The following SLC71A1 variants were observed in gnomAD, a reference collection of about 807,000 sequenced individuals.
SLC71A1 encodes the protein hippocampus abundant gene transcript 1.
the SLC71A1 span, among the ~76,000 whole-genome samples, chr1:100,072,701 CA>C: frequency 6.6e-6 from 1 of 152,064 alleles, no homozygotes; most frequent in African/African-American, 2.4e-5. Flanking sequence ...GGGTGTGGGC[CA>C]ACCTTCCAGC....
chr1:100,071,965 G>A, the SLC71A1 span, among the ~76,000 whole-genome samples: 1 of 152,202 alleles, frequency 6.6e-6, no homozygotes, highest in South Asian at 2.1e-4. Context: ...GACCGCAAAG[G>A]TGCAAGCAAC....
At chr1:100,041,705 C>T in the SLC71A1 span, among the ~76,000 whole-genome samples, 1 of 152,186 alleles carries the variant, frequency 6.6e-6, no homozygotes, top group Admixed American at 6.5e-5. Context: ...GGGCAGATCA[C>T]TTGAGGCCAG....
chr1:100,048,930 C>G, the SLC71A1 span, among the ~76,000 whole-genome samples: 1 of 152,232 alleles, frequency 6.6e-6, no homozygotes, highest in Non-Finnish European at 1.5e-5. Flanking sequence ...GCTAGACAAC[C>G]AAGCTAAACA....
chr1:100,082,942 T>A, the SLC71A1 span: 1 of 152,568 alleles, frequency 6.6e-6, no homozygotes, highest in Non-Finnish European at 1.5e-5. Context: ...TGCATAATCA[T>A]AAGCACCTCA....
At chr1:100,047,916 GAT>G in the SLC71A1 span, among the ~76,000 whole-genome samples, 1 of 152,114 alleles carries the variant, frequency 6.6e-6, no homozygotes, top group Non-Finnish European at 1.5e-5. Context: ...TATTAGAAAA[GAT>G]ATGGAAAATT....
At chr1:100,040,827 A>G in the SLC71A1 span, among the ~76,000 whole-genome samples, 1 of 152,142 alleles carries the variant, frequency 6.6e-6, no homozygotes, top group Non-Finnish European at 1.5e-5. Flanking sequence ...TTTTTAATTC[A>G]TCGTATCATA....
chr1:100,079,231 TCA>T, the SLC71A1 span: 4 of 151,354 alleles, frequency 2.6e-5, no homozygotes, highest in Admixed American at 2.0e-4. Context: ...TTACTTGAGC[TCA>T]AGAGTTTGAA....
At chr1:100,077,268 C>T in the SLC71A1 span, 3 of 1,485,222 alleles carry the variant, frequency 2.0e-6, no homozygotes, top group Admixed American at 5.4e-5. Context: ...GGCTTTGGTT[C>T]AGAACCTTGG....
chr1:100,070,707 C>T, the SLC71A1 span, among the ~76,000 whole-genome samples: 1 of 152,154 alleles, frequency 6.6e-6, no homozygotes, highest in Non-Finnish European at 1.5e-5. Context: ...ACATTGTCCT[C>T]CTTCCTGTGA....
chr1:100,075,944 C>G, the SLC71A1 span, among the ~76,000 whole-genome samples: 2 of 152,190 alleles, frequency 1.3e-5, no homozygotes, highest in Admixed American at 6.5e-5. Context: ...CCCCAAAGTG[C>G]TGGGATTACA....
At chr1:100,046,191 A>AATG in the SLC71A1 span, among the ~76,000 whole-genome samples, 1 of 140,358 alleles carries the variant, frequency 7.1e-6, no homozygotes, top group African/African-American at 2.6e-5. Context: ...GAAGTGAAGT[A>AATG]ATGTGATTCC....
the SLC71A1 span, chr1:100,038,347 CT>C: frequency 6.5e-7 from 1 of 1,541,654 alleles, no homozygotes; most frequent in Non-Finnish European, 8.8e-7. Flanking sequence ...GCGAGCGTCC[CT>C]CGGGGCCCCC....
the SLC71A1 span, among the ~76,000 whole-genome samples, chr1:100,052,215 G>A: frequency 1.3e-5 from 2 of 152,102 alleles, no homozygotes; most frequent in Non-Finnish European, 2.9e-5. Context: ...TCCATAATTT[G>A]TTATCAGTAT....
At chr1:100,072,580 TA>T in the SLC71A1 span, among the ~76,000 whole-genome samples, 7,842 of 143,122 alleles carry the variant, frequency 0.055, 231 homozygotes, top group African/African-American at 0.084. Context: ...TCCATAATGT[TA>T]AAAAAAAAAA....
chr1:100,052,794 T>C, the SLC71A1 span, among the ~76,000 whole-genome samples: 2 of 151,472 alleles, frequency 1.3e-5, no homozygotes, highest in Non-Finnish European at 2.9e-5. Flanking sequence ...TGTTTGTTTG[T>C]GTATTTTGAG....
the SLC71A1 span, chr1:100,082,088 A>T: frequency 1.2e-6 from 2 of 1,614,100 alleles, no homozygotes; most frequent in Admixed American, 1.7e-5. Context: ...ATTCCGGAAC[A>T]TACCAATTTA....
At chr1:100,056,164 C>G in the SLC71A1 span, among the ~76,000 whole-genome samples, 1 of 152,184 alleles carries the variant, frequency 6.6e-6, no homozygotes, top group Non-Finnish European at 1.5e-5. Flanking sequence ...ACCATCCTCT[C>G]TCCCACTACC....
At chr1:100,049,506 A>G in the SLC71A1 span, among the ~76,000 whole-genome samples, 3 of 152,118 alleles carry the variant, frequency 2.0e-5, no homozygotes, top group African/African-American at 7.2e-5. Context: ...CGTGCAGCCC[A>G]TGCACTGGTT....
chr1:100,052,523 C>A, the SLC71A1 span, among the ~76,000 whole-genome samples: 3 of 151,178 alleles, frequency 2.0e-5, no homozygotes, highest in Non-Finnish European at 2.9e-5. Flanking sequence ...CCCCCACCTC[C>A]CAGGTTCAAG....
Sources: allele counts gnomAD v4.1 joint callset (sites outside exome capture counted in the v4.1 genomes callset), GRCh38; gene constraint gnomAD v4.1.1; transcripts MANE v1.5; gene names NCBI Gene and HGNC (gene_info 2026-07-23, HGNC 2026-07-21).